Variants in TMEM178B observed in about 807,000 individuals in gnomAD.
TMEM178B encodes the protein transmembrane protein 178B.
A neutral mutation model predicts 31.0 loss-of-function variants in TMEM178B; 5 were observed. The ratio of observed to expected loss-of-function variants is 0.16; its 90% confidence interval spans 0.08 to 0.34. The LOEUF is 0.34. Among genes scored for constraint, TMEM178B ranks in the 10% least tolerant of loss-of-function variants. The pLI is 1.00. For synonymous variants in TMEM178B, 164 were observed against 164.0 expected (o/e 1.00, Z 0.00); for missense variants, 275 against 400.3 (o/e 0.69, Z 2.67).
intron 3 of TMEM178B, among the ~76,000 whole-genome samples, chr7:141,467,242 T>G (rs1802161055): frequency 6.6e-6 from 1 of 152,158 alleles, no homozygotes; most frequent in Non-Finnish European, 1.5e-5. Flanking sequence ...GAATTCAGTC[T>G]GAGCCCTAGT....
chr7:141,392,691 C>T (rs1270140408), intron 2 of TMEM178B, among the ~76,000 whole-genome samples: 1 of 152,046 alleles, frequency 6.6e-6, no homozygotes, highest in African/African-American at 2.4e-5. Flanking sequence ...CCAAGGATCG[C>T]ACATGGCAGG....
the TMEM178B span, among the ~76,000 whole-genome samples, chr7:141,500,532 G>A: frequency 2.0e-5 from 3 of 152,156 alleles, no homozygotes; most frequent in Non-Finnish European, 4.4e-5. Context: ...TCTGAAGACT[G>A]GTCCTTGTAC....
chr7:141,227,694 G>A (rs893392057), intron 2 of TMEM178B, among the ~76,000 whole-genome samples: 2 of 152,148 alleles, frequency 1.3e-5, no homozygotes, highest in African/African-American at 4.8e-5. Flanking sequence ...GAGAGAATGG[G>A]TCTGGACTAG....
chr7:141,365,071 T>TG (rs1799981411), intron 2 of TMEM178B, among the ~76,000 whole-genome samples: 2 of 152,254 alleles, frequency 1.3e-5, no homozygotes, highest in Non-Finnish European at 2.9e-5. Context: ...AAGACTGACT[T>TG]GGGGGGCCTG....
At chr7:141,345,381 T>C (rs185169660) in intron 2 of TMEM178B, among the ~76,000 whole-genome samples, 324 of 152,336 alleles carry the variant, frequency 2.1e-3, no homozygotes, top group Non-Finnish European at 3.4e-3. Context: ...AGGAAAGATT[T>C]TTCAGAGAGT....
At chr7:141,393,538 C>T (rs180730275) in intron 2 of TMEM178B, among the ~76,000 whole-genome samples, 1 of 152,310 alleles carries the variant, frequency 6.6e-6, no homozygotes, top group Non-Finnish European at 1.5e-5. Flanking sequence ...TTTCTATCTT[C>T]TGGACACCAT....
chr7:141,380,936 G>A (rs1266620062), intron 2 of TMEM178B, among the ~76,000 whole-genome samples: 1 of 152,134 alleles, frequency 6.6e-6, no homozygotes, highest in Admixed American at 6.6e-5. Flanking sequence ...CCTAACTGGG[G>A]ATTACAGAGG....
At chr7:141,353,918 G>A (rs971345964) in intron 2 of TMEM178B, among the ~76,000 whole-genome samples, 3 of 152,186 alleles carry the variant, frequency 2.0e-5, no homozygotes, top group Non-Finnish European at 4.4e-5. Context: ...AGAAGAGGCC[G>A]CCTTGCCCCT....
At chr7:141,404,724 G>C (rs1800850524) in intron 2 of TMEM178B, among the ~76,000 whole-genome samples, 2 of 152,326 alleles carry the variant, frequency 1.3e-5, no homozygotes, top group South Asian at 4.1e-4. Flanking sequence ...CCAGGGGTTA[G>C]GACTTACACA....
intron 1 of TMEM178B, among the ~76,000 whole-genome samples, chr7:141,086,521 A>G (rs1794791001): frequency 6.6e-6 from 1 of 152,198 alleles, no homozygotes; most frequent in Non-Finnish European, 1.5e-5. Context: ...ACGAAGTTCA[A>G]AAACAGGTAA....
At chr7:141,458,448 A>G (rs560522244) in intron 3 of TMEM178B, among the ~76,000 whole-genome samples, 1 of 152,254 alleles carries the variant, frequency 6.6e-6, no homozygotes, top group Non-Finnish European at 1.5e-5. Flanking sequence ...GTATCTTGAG[A>G]TCCTTCCAAG....
intron 2 of TMEM178B, among the ~76,000 whole-genome samples, chr7:141,258,361 C>A (rs1441094765): frequency 6.6e-6 from 1 of 152,002 alleles, no homozygotes; most frequent in Admixed American, 6.6e-5. Context: ...GCAAAAAATT[C>A]TCATAATGTT....
In TMEM178B at chr7:141,279,697, G is replaced by A. The variant is rs1798323800; in HGVS notation, c.496+66993G>A. Among the ~76,000 whole-genome samples the A allele has an allele frequency of 5.9e-5, 9 of 152,308 alleles. No individual in the cohort carries two copies. In the South Asian group the frequency reaches 1.9e-3, roughly 32 times the overall value. ...TGGGCCTCAGGTGGGGTTCTGCTAG[G>A]GCAGCCCCAAGCTGGAACCCTGAGT... On this transcript the variant is annotated intron_variant, in intron 2 of 3. Transcript: ENST00000565468.
intron 2 of TMEM178B, among the ~76,000 whole-genome samples, chr7:141,329,034 C>T (rs73737786): frequency 0.094 from 14,285 of 152,072 alleles, 1,446 homozygotes; most frequent in African/African-American, 0.26. Context: ...TCTATAATGT[C>T]TTTAGATCAA....
chr7:141,220,199 T>C (rs1797232127), intron 2 of TMEM178B, among the ~76,000 whole-genome samples: 1 of 97,986 alleles, frequency 1.0e-5, no homozygotes, highest in Non-Finnish European at 1.8e-5. Flanking sequence ...ATGCCATACT[T>C]GGGAGGCTGA....
intron 1 of TMEM178B, among the ~76,000 whole-genome samples, chr7:141,093,800 G>T (rs1279167255): frequency 6.6e-6 from 1 of 152,198 alleles, no homozygotes; most frequent in Non-Finnish European, 1.5e-5. Flanking sequence ...GTGAAGTGCT[G>T]TCAATGGGTC....
chr7:141,158,374 G>T (rs1016109236), intron 1 of TMEM178B, among the ~76,000 whole-genome samples: 3 of 152,270 alleles, frequency 2.0e-5, no homozygotes, highest in African/African-American at 7.2e-5. Context: ...GGGATTACAG[G>T]CATGAGCCAC....
intron 2 of TMEM178B, among the ~76,000 whole-genome samples, chr7:141,396,999 T>G (rs1171926527): frequency 6.6e-6 from 1 of 152,228 alleles, no homozygotes; most frequent in African/African-American, 2.4e-5. Context: ...CTTGGTTTTT[T>G]GTCCCATGAG....
At chr7:141,269,633 T>G (rs893166618) in intron 2 of TMEM178B, among the ~76,000 whole-genome samples, 4 of 152,242 alleles carry the variant, frequency 2.6e-5, no homozygotes, top group African/African-American at 9.6e-5. Flanking sequence ...TTTTGGAGTC[T>G]TGTGTTTCTC....
Sources: gnomAD v4.1 joint callset for allele counts (sites outside exome capture counted in the v4.1 genomes callset) on GRCh38, gnomAD v4.1.1 for gene constraint, MANE v1.5 for transcripts, NCBI Gene and HGNC (gene_info 2026-07-23, HGNC 2026-07-21) for gene names.